Variants in CSNK2A2 observed in about 807,000 individuals in gnomAD.
CSNK2A2 encodes casein kinase 2 alpha 2.
CSNK2A2 carries 8 observed loss-of-function variants against 54.0 expected under a neutral mutation model. The ratio of observed to expected loss-of-function variants is 0.15; its 90% CI spans 0.09 to 0.27. The LOEUF is 0.27. Among genes scored for constraint, CSNK2A2 ranks in the 10% least tolerant of loss-of-function variants. The pLI is 1.00. For synonymous variants in CSNK2A2, 141 were observed against 153.9 expected (o/e 0.92, Z 0.62); for missense variants, 242 against 439.4 (o/e 0.55, Z 4.02).
intron 5 of CSNK2A2, 65 bp from the exon 6 acceptor site, chr16:58,168,758 G>A: frequency 7.9e-7 from 1 of 1,264,028 alleles, no homozygotes; most frequent in Non-Finnish European, 1.1e-6. Flanking sequence ...CGCAAGCATA[G>A]TCTTATTGTT....
In CSNK2A2 at chr16:58,173,521, TTATC is replaced by T. The variant is rs1334647206; in HGVS notation, c.429+926_429+929del. 3.9e-5 allele frequency among the ~76,000 whole-genome samples: 6 copies of T among 152,350 alleles called. No individual in the cohort carries two copies. The South Asian group carries it at 1.2e-3, about 32-fold the overall frequency. On this transcript the variant is annotated intron_variant, in intron 5 of 11. Transcript: ENST00000262506. ...ACAAACTGAGCATTCCTTTAAGTGCTTATCTAGACAAACAAAATGATCATTCCTC... is the reference window on the plus strand; with the variant it reads ...ACAAACTGAGCATTCCTTTAAGTGCTTAGACAAACAAAATGATCATTCCTC...
Position 58,197,707 on chromosome 16 carries a change from G to C in CSNK2A2, c.30C>G (p.Ala10=). The stretch of plus-strand genomic sequence containing the variant: ...GACTGTTCACCTCGGCGTAGACCCG[G>C]GCCCTGCTGCCCGCGGCCGGGCCGG... MPGPAAGSR[A]RVYAEVNSLR... The change falls in exon 1 of 12, where the codon GCC becomes GCG. Residue 10 remains alanine, a synonymous_variant. Transcript: ENST00000262506. The surrounding 1 kb of genome is among the most constrained non-coding windows in gnomAD (Gnocchi z 4.0). The C allele has an allele frequency of 1.3e-6, 2 of 1,514,668 alleles. No individual in the cohort carries two copies. The highest frequency in any genetic ancestry group is 1.8e-6 in the Non-Finnish European group (2 of 1,131,552). 93.8% of individuals were successfully genotyped at this position (1,514,668 alleles called of 1,614,324 possible). A position where few individuals can be genotyped will look rare whatever the true frequency, so the allele number is the denominator to read the frequency against.
chr16:58,176,380 C>T (rs191949608), intron 4 of CSNK2A2, among the ~76,000 whole-genome samples: 56 of 152,268 alleles, frequency 3.7e-4, no homozygotes, highest in African/African-American at 1.2e-3. Context: ...GCTACAAAAA[C>T]CATTAACAAT....
intron 11 of CSNK2A2, chr16:58,159,776 C>T (rs1961271278): frequency 6.6e-6 from 1 of 152,208 alleles, no homozygotes. Flanking sequence ...AAACAGAAGG[C>T]TCCATGGTCC....
At chr16:58,167,080 T>C (rs1961586136) in intron 8 of CSNK2A2, 127 bp downstream of exon 8, 1 of 584,304 alleles carries the variant, frequency 1.7e-6, no homozygotes, top group Non-Finnish European at 2.9e-6. Context: ...GATCTTTATC[T>C]TGAAGAAAAG....
chr16:58,170,104 G>A (rs146562793), intron 5 of CSNK2A2, among the ~76,000 whole-genome samples: 145 of 152,028 alleles, frequency 9.5e-4, no homozygotes, highest in East Asian at 3.5e-3. Context: ...TAAGATGATT[G>A]ATATGCAGAT....
intron 4 of CSNK2A2, among the ~76,000 whole-genome samples, chr16:58,182,572 A>C (rs1007685094): frequency 3.3e-5 from 5 of 151,204 alleles, no homozygotes; most frequent in Admixed American, 6.6e-5. Flanking sequence ...AAAAAAAAAA[A>C]ACAAAACCAC....
At position 58,197,751 on chromosome 16, in the gene CSNK2A2, G is replaced by C; in HGVS notation, c.-15C>G. 8.3e-7 allele frequency: 1 copy of C among 1,197,610 alleles called. No individual in the cohort carries two copies. Among genetic ancestry groups the C allele is most frequent in the Non-Finnish European group, 1.1e-6 (1 of 944,544 alleles). 74.2% of individuals were successfully genotyped at this position (1,197,610 alleles called of 1,614,324 possible). ...GGGCCGGGCATGGCGGGCGGGACCG[G>C]GGGGCGGCGCGGGGCGCAGAGGGTG... is the stretch of plus-strand genomic sequence containing the variant. On this transcript the variant is annotated 5_prime_UTR_variant, in exon 1 of 12. Coordinates refer to ENST00000262506, the MANE Select transcript of CSNK2A2 (RefSeq NM_001896.4). The surrounding 1 kb of genome is among the most constrained non-coding windows in gnomAD (Gnocchi z 4.0).
rs1259362202 is a variant in CSNK2A2 at position 58,174,347 on chromosome 16, TGG to T, written c.429+102_429+103del. The stretch of plus-strand genomic sequence containing the variant: ...AGTTTAAAAACTTCACTAAATCCTC[TGG>T]GTATCAAGAAACATTCTGCTTAAGT... On this transcript the variant is annotated intron_variant, in intron 5 of 11. Transcript: ENST00000262506. 5 of 754,266 alleles carry T rather than the reference TGG, an allele frequency of 6.6e-6. No homozygotes were observed. In the African/African-American group the frequency reaches 9.1e-5, roughly 14 times the overall value. 46.7% of individuals were successfully genotyped at this position (754,266 alleles called of 1,614,324 possible).
chr16:58,164,056 G>A lies in CSNK2A2; in HGVS notation c.*15C>T, dbSNP rs375920868. 4.4e-5 allele frequency: 71 copies of A among 1,610,408 alleles called. No homozygotes were observed. Among genetic ancestry groups the A allele is most frequent in the South Asian group, 8.8e-5 (8 of 90,422 alleles). On this transcript the variant is annotated splice_region_variant and 3_prime_UTR_variant, in exon 11 of 12. Transcript: ENST00000262506. Reference sequence around the variant, plus strand: ...GGCAAGCATCAATGCCGCATTACCCGTCGCTTTCCAGTCTTCATCGTGCTG... The same window carrying A: ...GGCAAGCATCAATGCCGCATTACCCATCGCTTTCCAGTCTTCATCGTGCTG...
At chr16:58,182,374 CAAAAAAAAAAAAAAAAAAAAAA>C (rs71155249) in intron 4 of CSNK2A2, among the ~76,000 whole-genome samples, 1 of 25,738 alleles carries the variant, frequency 3.9e-5, no homozygotes, top group Admixed American at 6.2e-4. Context: ...CTAAATATAC[CAAAAAAAAAAAAAAAAAAAAAA>C]AAAAAAAAAC....
intron 1 of CSNK2A2, 145 bp from the exon 2 acceptor site, chr16:58,196,989 G>A (rs1006009740): frequency 3.8e-5 from 26 of 682,006 alleles, no homozygotes; most frequent in Non-Finnish European, 5.7e-5. Context: ...CTAAATGAAA[G>A]CCACGACATA....
chr16:58,190,841 T>C (rs983429010), intron 2 of CSNK2A2, among the ~76,000 whole-genome samples: 2 of 152,180 alleles, frequency 1.3e-5, no homozygotes, highest in African/African-American at 2.4e-5. Context: ...ACATTAATCA[T>C]AGAATTACCT....
chr16:58,170,143 C>G (rs1961695918), intron 5 of CSNK2A2, among the ~76,000 whole-genome samples: 1 of 150,736 alleles, frequency 6.6e-6, no homozygotes, highest in African/African-American at 2.4e-5. Context: ...TGGTTTTTCA[C>G]AAATTTAAAA....
At chr16:58,192,768 C>T (rs986739498) in intron 2 of CSNK2A2, 2 of 152,252 alleles carry the variant, frequency 1.3e-5, no homozygotes, top group Admixed American at 6.5e-5. Context: ...CCTAATTATG[C>T]TCCTCGCATC....
chr16:58,163,116 C>T (rs187592001), intron 11 of CSNK2A2: 138 of 151,962 alleles, frequency 9.1e-4, no homozygotes, highest in African/African-American at 3.1e-3. Context: ...TTTCCTCCCT[C>T]GCCTTGCCTG....
At chr16:58,172,746 G>A (rs60571175) in intron 5 of CSNK2A2, among the ~76,000 whole-genome samples, 10,718 of 152,148 alleles carry the variant, frequency 0.07, 479 homozygotes, top group South Asian at 0.21. Flanking sequence ...TTAAAATCTC[G>A]TACAGTTTCT....
At position 58,166,597 on chromosome 16, in the gene CSNK2A2, C is replaced by T. The variant is rs1961569703; in HGVS notation, c.814G>A (p.Asp272Asn). ...YHIDLDPHFNDILGQHSRKRW... is the reference protein window; with the variant it reads ...YHIDLDPHFNNILGQHSRKRW... ...TCTCTTACTTACTGTCCCAGGATATCGTTGAAGTGTGGATCTAGGTCTATG... is the reference window on the plus strand; with the variant it reads ...TCTCTTACTTACTGTCCCAGGATATTGTTGAAGTGTGGATCTAGGTCTATG... The change falls in exon 9 of 12, where the codon GAT (aspartate) becomes AAT (asparagine). Residue 272 changes from aspartate (D) to asparagine (N), a missense_variant. By Grantham distance (23) the Asp-to-Asn change is conservative. Coordinates refer to ENST00000262506, the MANE Select transcript of CSNK2A2 (RefSeq NM_001896.4). 10 of 1,607,630 alleles carry T rather than the reference C, an allele frequency of 6.2e-6. No homozygotes were observed. The highest frequency in any genetic ancestry group is 8.5e-6 in the Non-Finnish European group (10 of 1,174,288).
chr16:58,183,854 G>T (rs182127500), intron 4 of CSNK2A2, among the ~76,000 whole-genome samples: 1 of 152,138 alleles, frequency 6.6e-6, no homozygotes, highest in African/African-American at 2.4e-5. Flanking sequence ...CACACACTTT[G>T]TTATTTGACA....
Sources: allele counts gnomAD v4.1 joint callset (sites outside exome capture counted in the v4.1 genomes callset), GRCh38; gene constraint gnomAD v4.1.1; non-coding constraint Gnocchi (gnomAD v3.1); transcripts MANE v1.5; gene names NCBI Gene and HGNC (gene_info 2026-07-23, HGNC 2026-07-21).